Variants in SAMD5 observed in about 807,000 individuals in gnomAD.
SAMD5 encodes sterile alpha motif domain containing 5.
SAMD5 carries 13 observed loss-of-function variants against 11.3 expected under a neutral mutation model. That is an observed-to-expected ratio of 1.15 (90% CI 0.75 to 1.83). The LOEUF (loss-of-function observed/expected upper bound fraction) is 1.83. Ranked by LOEUF, SAMD5 falls within the 40% of genes most tolerant of loss-of-function variation. The pLI is 0.00. For missense variants in SAMD5, 255 were observed against 239.1 expected (o/e 1.07, Z -0.44); for synonymous variants, 129 against 111.3 (o/e 1.16, Z -1.00).
the SAMD5 span, among the ~76,000 whole-genome samples, chr6:147,888,034 T>G: frequency 6.6e-6 from 1 of 152,214 alleles, no homozygotes; most frequent in Non-Finnish European, 1.5e-5. Context: ...TGAGAGTTTT[T>G]TATATAGTCC....
rs143571264 is a variant in SAMD5, at chr6:147,638,538, A to G, written c.163-98779A>G. ...TGTGTGATCGTGTTGATGTTTTCTC[A>G]TCTCCTGAGCCTGGTTTGAAATTCA... On this transcript the variant is annotated intron_variant, in intron 1 of 1. Coordinates refer to the SAMD5 transcript ENST00000566741. 6.8e-4 allele frequency among the ~76,000 whole-genome samples: 103 copies of G among 152,310 alleles called. 1 individual carries two copies. The highest frequency in any genetic ancestry group is 2.3e-3 in the African/African-American group (94 of 41,570).
chr6:147,781,772 G>GCACA, the SAMD5 span, among the ~76,000 whole-genome samples: 163 of 146,352 alleles, frequency 1.1e-3, no homozygotes, highest in Middle Eastern at 3.6e-3. Flanking sequence ...ATTTGTGTGC[G>GCACA]CACACACACA....
chr6:147,685,309 G>A (rs1045355214), intron 1 of SAMD5, among the ~76,000 whole-genome samples: 6 of 152,088 alleles, frequency 3.9e-5, no homozygotes, highest in South Asian at 2.1e-4. Context: ...CGATTCTCTT[G>A]ACTCAGCCTC....
chr6:147,623,640 A>G (rs1562336180), intron 1 of SAMD5, among the ~76,000 whole-genome samples: 1 of 152,226 alleles, frequency 6.6e-6, no homozygotes, highest in African/African-American at 2.4e-5. Context: ...CTTTCTAAAA[A>G]CAAAGTATAT....
At chr6:147,615,172 G>A (rs1789847332) in intron 1 of SAMD5, among the ~76,000 whole-genome samples, 1 of 150,318 alleles carries the variant, frequency 6.7e-6, no homozygotes, top group African/African-American at 2.5e-5. Context: ...AGATATCGAA[G>A]GATGACTGTA....
the SAMD5 span, among the ~76,000 whole-genome samples, chr6:147,882,419 C>T: frequency 1.3e-5 from 2 of 152,066 alleles, no homozygotes; most frequent in Admixed American, 6.6e-5. Flanking sequence ...TCTGAGTCTA[C>T]GTAAAATGTT....
At chr6:147,742,899 G>C in the SAMD5 span, among the ~76,000 whole-genome samples, 1 of 152,156 alleles carries the variant, frequency 6.6e-6, no homozygotes, top group Non-Finnish European at 1.5e-5. Flanking sequence ...GTTGTACATA[G>C]AGGCTATCAT....
chr6:147,634,251 G>A (rs948629576), intron 1 of SAMD5, among the ~76,000 whole-genome samples: 13 of 152,152 alleles, frequency 8.5e-5, no homozygotes, highest in African/African-American at 3.1e-4. Context: ...AGCTGGGGAG[G>A]CCTTAGGAAA....
chr6:147,800,177 G>GT, the SAMD5 span, among the ~76,000 whole-genome samples: 1 of 152,138 alleles, frequency 6.6e-6, no homozygotes, highest in East Asian at 1.9e-4. Flanking sequence ...TTTCTGTTCT[G>GT]TTTTTTCCCC....
chr6:147,720,417 A>T (rs867006503), intron 1 of SAMD5, among the ~76,000 whole-genome samples: 2 of 151,690 alleles, frequency 1.3e-5, no homozygotes, highest in Admixed American at 6.6e-5. Flanking sequence ...GAGCCGAGAT[A>T]GCGCCACTGC....
the SAMD5 span, among the ~76,000 whole-genome samples, chr6:147,818,670 G>A: frequency 2.0e-5 from 3 of 152,136 alleles, no homozygotes; most frequent in Non-Finnish European, 4.4e-5. Context: ...TGCTAAACAC[G>A]TGTGTATCCA....
chr6:147,779,030 C>T, the SAMD5 span, among the ~76,000 whole-genome samples: 1 of 150,394 alleles, frequency 6.6e-6, no homozygotes, highest in African/African-American at 2.5e-5. Flanking sequence ...CATCATGTGA[C>T]CAAAACATGT....
the SAMD5 span, among the ~76,000 whole-genome samples, chr6:147,929,088 A>G: frequency 6.6e-6 from 1 of 152,060 alleles, no homozygotes; most frequent in East Asian, 1.9e-4. Context: ...TCTTTTAACT[A>G]GAGCAGTCAC....
At chr6:147,820,148 G>A in the SAMD5 span, among the ~76,000 whole-genome samples, 1 of 152,056 alleles carries the variant, frequency 6.6e-6, no homozygotes, top group Non-Finnish European at 1.5e-5. Context: ...TACTCCTGGA[G>A]TTTTTCTATA....
intron 1 of SAMD5, among the ~76,000 whole-genome samples, chr6:147,684,844 A>G (rs556350085): frequency 1.3e-5 from 2 of 152,284 alleles, no homozygotes; most frequent in East Asian, 3.9e-4. Flanking sequence ...GTCCTTTAAA[A>G]TTTTTTGTCA....
At chr6:147,606,868 A>G (rs1266683178) in intron 1 of SAMD5, among the ~76,000 whole-genome samples, 3 of 151,762 alleles carry the variant, frequency 2.0e-5, no homozygotes, top group African/African-American at 7.3e-5. Flanking sequence ...AGAATGTTCC[A>G]GAGAATGTAT....
chr6:147,533,782 T>C (rs1168065217), intron 1 of SAMD5, among the ~76,000 whole-genome samples: 1 of 152,156 alleles, frequency 6.6e-6, no homozygotes, highest in Non-Finnish European at 1.5e-5. Flanking sequence ...TTGAGGGCAG[T>C]CTAAAAGCAG....
chr6:147,663,217 A>G (rs1028360863), intron 1 of SAMD5, among the ~76,000 whole-genome samples: 3 of 152,208 alleles, frequency 2.0e-5, no homozygotes, highest in African/African-American at 7.2e-5. Flanking sequence ...AGTGTCAAAC[A>G]CTGAAACCTT....
At chr6:147,947,021 A>C in the SAMD5 span, among the ~76,000 whole-genome samples, 1 of 152,186 alleles carries the variant, frequency 6.6e-6, no homozygotes, top group South Asian at 2.1e-4. Flanking sequence ...TAAGTTTGCA[A>C]ACTGAGGATG....
Sources: gnomAD v4.1 joint callset for allele counts (sites outside exome capture counted in the v4.1 genomes callset) on GRCh38, gnomAD v4.1.1 for gene constraint, MANE v1.5 for transcripts, NCBI Gene and HGNC (gene_info 2026-07-23, HGNC 2026-07-21) for gene names.